BRF1: variants seen among roughly 807,000 people sequenced by gnomAD.
BRF1 encodes the protein BRF1 general transcription factor IIIB subunit, also known as transcription factor IIIB 90 kDa subunit.
A neutral mutation model predicts 81.7 loss-of-function variants in BRF1; 59 were observed. The ratio of observed to expected loss-of-function variants is 0.72; its 90% CI spans 0.59 to 0.90. The LOEUF is 0.90. Among genes scored for constraint, BRF1 ranks in the 40% least tolerant of loss-of-function variants. The probability of loss-of-function intolerance (pLI) is 0.00; values close to 1 mark genes in which losing one functional copy is unlikely to be tolerated. For missense variants in BRF1, 1,050 were observed against 936.3 expected (o/e 1.12, Z -1.58); for synonymous variants, 491 against 395.6 (o/e 1.24, Z -2.86).
intron 5 of BRF1, 54 bp downstream of exon 5, chr14:105,252,453 G>T: frequency 6.3e-7 from 1 of 1,589,294 alleles, no homozygotes; most frequent in Admixed American, 1.8e-5. Context: ...CATTTGGCAC[G>T]CTGGTCCCTA....
At chr14:105,240,918 GGAGA>G (rs2054551441) in intron 6 of BRF1, among the ~76,000 whole-genome samples, 1 of 151,876 alleles carries the variant, frequency 6.6e-6, no homozygotes, top group African/African-American at 2.4e-5. Context: ...TAGCATCTCA[GGAGA>G]GAGAGGCCAC....
chr14:105,302,200 C>G (rs879173820), upstream of BRF1, among the ~76,000 whole-genome samples: 1 of 143,280 alleles, frequency 7.0e-6, no homozygotes. Flanking sequence ...TCTTTTTTTT[C>G]TTTCTTTTTT....
rs374448512 is a variant in BRF1, at chr14:105,241,298, T to C, written c.661A>G (p.Thr221Ala). 4.5e-5 allele frequency: 72 copies of C among 1,612,570 alleles called. No homozygotes were observed. Among genetic ancestry groups the C allele is most frequent in the Admixed American group, 4.3e-4 (26 of 60,004 alleles). ...LQRMKRDWMH[T>A]GRRPSGLCGA... ...CAGAGGCCCGAGGGGCGCCGGCCTGTGTGCATCCAGTCCCGCTTCATCCTC... is the reference window on the plus strand; with the variant it reads ...CAGAGGCCCGAGGGGCGCCGGCCTGCGTGCATCCAGTCCCGCTTCATCCTC... The change falls in exon 6 of 18, where the codon ACA becomes GCA. Residue 221 changes from threonine (T) to alanine (A), a missense_variant. By Grantham distance (58) the Thr-to-Ala change is moderately conservative. Coordinates refer to ENST00000547530, the MANE Select transcript of BRF1 (RefSeq NM_001519.4).
intron 12 of BRF1, chr14:105,219,783 G>A: frequency 1.9e-6 from 1 of 533,446 alleles, no homozygotes. Context: ...GCTGCCCCTG[G>A]TGCTATTTGT....
chr14:105,254,401 C>T (rs587626048), intron 4 of BRF1, among the ~76,000 whole-genome samples: 13 of 152,078 alleles, frequency 8.5e-5, no homozygotes, highest in East Asian at 3.9e-4. Flanking sequence ...GGACTACAGG[C>T]GCCCACCACC....
chr14:105,220,228 A>C, intron 11 of BRF1, 98 bp from the exon 12 acceptor site: 1 of 1,406,762 alleles, frequency 7.1e-7, no homozygotes, highest in South Asian at 1.2e-5. Flanking sequence ...GTCTGGGCTA[A>C]GGGCTTTCTA....
At chr14:105,302,643 T>C (rs1292616817), upstream of BRF1, among the ~76,000 whole-genome samples, 1 of 152,034 alleles carries the variant, frequency 6.6e-6, no homozygotes, top group East Asian at 1.9e-4. Context: ...TGGAGTGCAG[T>C]AGCATAATCA....
At chr14:105,217,292 A>G in intron 15 of BRF1, 1 of 605,110 alleles carries the variant, frequency 1.7e-6, no homozygotes, top group Non-Finnish European at 2.9e-6. Flanking sequence ...GGGACAAAAC[A>G]GAGCCTAGGC....
At chr14:105,250,718 A>T (rs2055556302) in intron 5 of BRF1, 1 of 1,552,912 alleles carries the variant, frequency 6.4e-7, no homozygotes, top group Admixed American at 1.8e-5. Context: ...GTGGAGGGGA[A>T]GTCAAGATGC....
At chr14:105,211,404 C>A (rs1197995510) in intron 16 of BRF1, 111 bp from the exon 17 acceptor site, 2 of 1,051,002 alleles carry the variant, frequency 1.9e-6, no homozygotes, top group East Asian at 2.8e-5. Flanking sequence ...TCCCGCCACA[C>A]CAGTGGCTCC....
At chr14:105,313,486 C>G (rs2058410112) in intron 1 of BRF1, among the ~76,000 whole-genome samples, 1 of 152,260 alleles carries the variant, frequency 6.6e-6, no homozygotes, top group African/African-American at 2.4e-5. Context: ...CCCTTGTTCT[C>G]TCCGAAGTGG....
chr14:105,228,696 C>A, intron 7 of BRF1, 124 bp downstream of exon 7: 2 of 1,123,174 alleles, frequency 1.8e-6, no homozygotes, highest in African/African-American at 3.1e-5. Context: ...GGGCTAGGTC[C>A]TGGCCAGCAG....
chr14:105,280,997 TGTGTGG>T, intron 2 of BRF1, among the ~76,000 whole-genome samples: 10 of 144,874 alleles, frequency 6.9e-5, no homozygotes, highest in Middle Eastern at 3.9e-3. Flanking sequence ...TGAGCCCGGG[TGTGTGG>T]ATACAGCCTG....
At chr14:105,216,630 G>A (rs587595835) in intron 15 of BRF1, among the ~76,000 whole-genome samples, 7 of 152,320 alleles carry the variant, frequency 4.6e-5, no homozygotes, top group Admixed American at 2.0e-4. Flanking sequence ...GCCAACTCTC[G>A]CGGGGTGCAG....
At chr14:105,263,234 CAAAAAAA>C (rs760613469) in intron 3 of BRF1, among the ~76,000 whole-genome samples, 2 of 83,556 alleles carry the variant, frequency 2.4e-5, no homozygotes, top group African/African-American at 1.0e-4. Flanking sequence ...AAGACTCCAT[CAAAAAAA>C]AAAAAAAAAA....
chr14:105,229,055 A>G lies in BRF1; in HGVS notation c.695-142T>C, dbSNP rs1451206113. 8.0e-6 allele frequency: 6 copies of G among 752,272 alleles called. 1 individual carries two copies. The highest frequency in any genetic ancestry group is 3.1e-5 in the South Asian group (2 of 65,358). 46.6% of individuals were successfully genotyped at this position (752,272 alleles called of 1,614,324 possible). On this transcript the variant is annotated intron_variant, in intron 6 of 17. Coordinates refer to ENST00000547530, the MANE Select transcript of BRF1 (RefSeq NM_001519.4). The stretch of plus-strand genomic sequence containing the variant: ...GTCTGTGCCAGGCAGTGAGACCCTC[A>G]CTTGGCATGGCTACTCCTGAACGAC...
intron 1 of BRF1, among the ~76,000 whole-genome samples, chr14:105,295,510 A>C (rs755876931): frequency 6.6e-6 from 1 of 151,960 alleles, no homozygotes; most frequent in Non-Finnish European, 1.5e-5. Context: ...CAGGAGGCTG[A>C]GCTGGGAGGG....
At chr14:105,244,357 T>C (rs1381185121) in intron 5 of BRF1, among the ~76,000 whole-genome samples, 3 of 152,160 alleles carry the variant, frequency 2.0e-5, no homozygotes, top group African/African-American at 7.2e-5. Flanking sequence ...GGTGGGAGGA[T>C]TGCTTGAGTC....
chr14:105,293,532 T>C (rs915575450), intron 1 of BRF1, among the ~76,000 whole-genome samples: 1 of 152,228 alleles, frequency 6.6e-6, no homozygotes, highest in Admixed American at 6.5e-5. Context: ...CACCATCACC[T>C]GCTGGCAGAG....
Sources: allele counts gnomAD v4.1 joint callset (sites outside exome capture counted in the v4.1 genomes callset), GRCh38; gene constraint gnomAD v4.1.1; transcripts MANE v1.5; gene names NCBI Gene and HGNC (gene_info 2026-07-23, HGNC 2026-07-21).